RARB: variants seen among roughly 807,000 people sequenced by gnomAD.
The protein encoded by RARB is HBV-activated protein.
Under a neutral mutation model 51.9 loss-of-function variants are expected in RARB, and 17 were observed. The ratio of observed to expected loss-of-function variants is 0.33; its 90% CI spans 0.22 to 0.49. RARB has a LOEUF of 0.49. Ranked by LOEUF, RARB falls within the 20% of genes least tolerant of loss-of-function variation. The pLI, the probability that RARB is intolerant of heterozygous loss-of-function variation, is 0.99. For missense variants in RARB, 369 were observed against 550.8 expected, an observed-to-expected ratio of 0.67 and a Z score of 3.30; for synonymous variants, 215 against 195.4, an observed-to-expected ratio of 1.10 and a Z score of -0.84.
chr3:25,596,864 A>G lies in RARB; in HGVS notation c.*248A>G, dbSNP rs116199914. On this transcript the variant is annotated 3_prime_UTR_variant, in exon 8 of 8. Transcript: ENST00000330688. ...AACCAGAAACTAGTTAAAAGCTTCT[A>G]TTTTCCTCTTTGAACACTCAAGATT... The G allele has an allele frequency of 0.015, 5,370 of 351,626 alleles. 48 individuals are homozygous for G. Among genetic ancestry groups the G allele is most frequent in the Middle Eastern group, 0.034 (44 of 1,278 alleles). 21.8% of individuals were successfully genotyped at this position (351,626 alleles called of 1,614,324 possible).
chr3:25,547,830 G>A (rs2125663479), intron 3 of RARB, among the ~76,000 whole-genome samples: 1 of 152,248 alleles, frequency 6.6e-6, no homozygotes, highest in South Asian at 2.1e-4. Flanking sequence ...TTAAGACAAA[G>A]TCATTGTATC....
rs117104242 is a variant in RARB at position 25,059,527 on chromosome 3, T to C, written c.-379-598T>C. ...TGACTAAAAAACCATGTTCTGTACT[T>C]TGTATTTCATGTGAAATTAGAATAC... On this transcript the variant is annotated intron_variant, in intron 2 of 11. Coordinates refer to the RARB transcript ENST00000383772. Among the ~76,000 whole-genome samples, 480 of 151,948 alleles carry C rather than the reference T, an allele frequency of 3.2e-3. 9 individuals carry two copies. In the East Asian group the frequency reaches 0.042, roughly 13 times the overall value.
intron 5 of RARB, among the ~76,000 whole-genome samples, chr3:25,366,162 T>A (rs893674077): frequency 6.6e-6 from 1 of 152,246 alleles, no homozygotes; most frequent in African/African-American, 2.4e-5. Flanking sequence ...TTTTCTTCAG[T>A]ACCTGTTACA....
At chr3:24,879,262 T>C (rs1575050313) in intron 2 of RARB, among the ~76,000 whole-genome samples, 1 of 151,810 alleles carries the variant, frequency 6.6e-6, no homozygotes, top group African/African-American at 2.4e-5. Context: ...ACCCCATCTC[T>C]ACTAAAAATA....
intron 4 of RARB, among the ~76,000 whole-genome samples, chr3:25,160,601 C>G (rs909617364): frequency 5.3e-5 from 8 of 152,176 alleles, no homozygotes; most frequent in Admixed American, 2.0e-4. Context: ...GGCTCATGCT[C>G]TTGATTAGGT....
chr3:25,011,870 G>A (rs1162991085), intron 2 of RARB, among the ~76,000 whole-genome samples: 1 of 152,006 alleles, frequency 6.6e-6, no homozygotes, highest in Non-Finnish European at 1.5e-5. Context: ...GAGTTTGTCA[G>A]AGCTCTGAAT....
At chr3:25,419,211 G>A (rs1261071622) in intron 5 of RARB, among the ~76,000 whole-genome samples, 3 of 152,220 alleles carry the variant, frequency 2.0e-5, no homozygotes, top group South Asian at 2.1e-4. Context: ...CCTTTCTTAT[G>A]TATACAGGGA....
chr3:24,977,445 G>A (rs1385565284), intron 2 of RARB, among the ~76,000 whole-genome samples: 1 of 152,066 alleles, frequency 6.6e-6, no homozygotes, highest in African/African-American at 2.4e-5. Flanking sequence ...GTTGAGCAGT[G>A]GTTTGTAGTT....
intron 5 of RARB, among the ~76,000 whole-genome samples, chr3:25,361,421 G>A (rs1024077902): frequency 2.0e-5 from 3 of 152,126 alleles, no homozygotes; most frequent in Admixed American, 6.5e-5. Context: ...CATTGGATTA[G>A]AACATGCTCC....
At chr3:25,076,112 G>A (rs1319369300) in intron 3 of RARB, among the ~76,000 whole-genome samples, 1 of 151,440 alleles carries the variant, frequency 6.6e-6, no homozygotes, top group African/African-American at 2.4e-5. Context: ...CCCTTAAATT[G>A]AATAGTAAGT....
In RARB at chr3:25,463,153, G is replaced by A. The variant is rs996776119; in HGVS notation, c.306+1812G>A. On this transcript the variant is annotated intron_variant, in intron 2 of 7. Coordinates refer to ENST00000330688, the MANE Select transcript of RARB (RefSeq NM_000965.5). ...CTCCCAAAGTGCTGGGAATACAGGT[G>A]TGAGCCACCACGCCCAGCCCCACTC... Among the ~76,000 whole-genome samples, 25 of 152,198 alleles carry A rather than the reference G, an allele frequency of 1.6e-4. No homozygotes were observed. In the East Asian group the frequency reaches 2.7e-3, roughly 17 times the overall value.
At chr3:25,221,629 G>GTATAA (rs147652028) in intron 5 of RARB, among the ~76,000 whole-genome samples, 19,577 of 152,018 alleles carry the variant, frequency 0.13, 1,288 homozygotes, top group African/African-American at 0.14. Context: ...GATACAACTT[G>GTATAA]TATAATATAC....
At chr3:25,027,406 C>G (rs1240225190) in intron 2 of RARB, among the ~76,000 whole-genome samples, 1 of 152,094 alleles carries the variant, frequency 6.6e-6, no homozygotes, top group Non-Finnish European at 1.5e-5. Context: ...TTCCTTCTCT[C>G]TAAAATACAT....
Position 25,490,649 on chromosome 3 carries a change from A to T in RARB, c.307-10533A>T, listed in dbSNP as rs529245030. Among the ~76,000 whole-genome samples, 44 of 152,322 alleles carry T rather than the reference A, an allele frequency of 2.9e-4. 1 individual carries two copies. The highest frequency in any genetic ancestry group is 5.7e-4 in the Non-Finnish European group (39 of 68,034). The stretch of plus-strand genomic sequence containing the variant: ...AGATTTAGTAATTAATGTACAAAGC[A>T]GCTGGGGTCCGCTAACTCCTGGGCT... On this transcript the variant is annotated intron_variant, in intron 2 of 7. Transcript: ENST00000330688.
chr3:24,851,175 C>T (rs1702549905), intron 1 of RARB, among the ~76,000 whole-genome samples: 1 of 152,086 alleles, frequency 6.6e-6, no homozygotes, highest in Non-Finnish European at 1.5e-5. Context: ...TGGCTCATGC[C>T]TGTAATCCCA....
intron 5 of RARB, among the ~76,000 whole-genome samples, chr3:25,286,676 A>G (rs1053621095): frequency 3.9e-5 from 6 of 152,096 alleles, no homozygotes; most frequent in East Asian, 3.9e-4. Context: ...CTTCCCCCCA[A>G]TTGATTTAAT....
intron 1 of RARB, among the ~76,000 whole-genome samples, chr3:24,837,735 C>T (rs1702362351): frequency 6.6e-6 from 1 of 152,132 alleles, no homozygotes; most frequent in African/African-American, 2.4e-5. Context: ...CCAGAATTGG[C>T]TTGGAAACAT....
At chr3:25,427,144 G>GC (rs1298531922), upstream of RARB, among the ~76,000 whole-genome samples, 1 of 152,164 alleles carries the variant, frequency 6.6e-6, no homozygotes, top group Non-Finnish European at 1.5e-5. Context: ...GTGGGAACAG[G>GC]CAAGTAATTT....
In RARB at chr3:25,473,807, A is replaced by C. The variant is rs1250217784; in HGVS notation, c.306+12466A>C. Among the ~76,000 whole-genome samples the C allele has an allele frequency of 2.6e-5, 4 of 151,172 alleles. No individual in the cohort carries two copies. In the South Asian group the frequency reaches 8.3e-4, roughly 31 times the overall value. On this transcript the variant is annotated intron_variant, in intron 2 of 7. Transcript: ENST00000330688. ...CTCTCAGGGCTTCATGTAATGTTTCATTTATAACAGAGATTGGTGGATTTG... is the reference window on the plus strand; with the variant it reads ...CTCTCAGGGCTTCATGTAATGTTTCCTTTATAACAGAGATTGGTGGATTTG...
Sources: allele counts gnomAD v4.1 joint callset (sites outside exome capture counted in the v4.1 genomes callset), GRCh38; gene constraint gnomAD v4.1.1; transcripts MANE v1.5; gene names NCBI Gene and HGNC (gene_info 2026-07-23, HGNC 2026-07-21).